Variants in CACNA1G observed in about 807,000 individuals in gnomAD.
The protein encoded by CACNA1G is voltage-dependent T-type calcium channel subunit alpha-1G.
A neutral mutation model predicts 219.4 loss-of-function variants in CACNA1G; 67 were observed. The ratio of observed to expected loss-of-function variants is 0.31; its 90% CI spans 0.25 to 0.37. The LOEUF (loss-of-function observed/expected upper bound fraction) is 0.37, where lower values mean the gene tolerates loss of function less well. CACNA1G is among the 10% of genes least tolerant of loss of function. The probability of loss-of-function intolerance (pLI) is 1.00; values close to 1 mark genes in which losing one functional copy is unlikely to be tolerated. For missense variants in CACNA1G, 2,380 were observed against 3,231.4 expected, an observed-to-expected ratio of 0.74 and a Z score of 6.39; for synonymous variants, 1,296 against 1,345.3, an observed-to-expected ratio of 0.96 and a Z score of 0.80.
chr17:50,623,925 G>A lies in CACNA1G; in HGVS notation c.6079G>A (p.Glu2027Lys). The A allele has an allele frequency of 6.2e-7, 1 of 1,611,124 alleles. No homozygotes were observed. Among genetic ancestry groups the A allele is most frequent in the Non-Finnish European group, 8.5e-7 (1 of 1,178,150 alleles). ...TTTGCAGATGCAGCCCCACCCCACG[G>A]AGCTGCCAGGACCAGACTTACTGAC... ...LESNMQPHPTELPGPDLLTVR... is the reference protein window; with the variant it reads ...LESNMQPHPTKLPGPDLLTVR... Residue 2027 changes from glutamate (E) to lysine (K), a missense_variant, in exon 36 of 38, where the codon GAG becomes AAG. By Grantham distance (56) the Glu-to-Lys change is moderately conservative (BLOSUM62 1). Transcript: ENST00000359106.
chr17:50,563,115 C>T (rs1386534686), intron 1 of CACNA1G: 5 of 152,442 alleles, frequency 3.3e-5, no homozygotes, highest in South Asian at 2.1e-4. Flanking sequence ...AGGTTGGTGC[C>T]GCCCTCACTC....
At chr17:50,605,706 C>T (rs1293160903) in intron 22 of CACNA1G, among the ~76,000 whole-genome samples, 192 bp from the exon 23 acceptor site, 1 of 152,218 alleles carries the variant, frequency 6.6e-6, no homozygotes, top group African/African-American at 2.4e-5. Context: ...CTTTCCTCCC[C>T]ACTCTTGGAA....
intron 10 of CACNA1G, 62 bp downstream of exon 10, chr17:50,590,684 C>A: frequency 6.5e-7 from 1 of 1,530,526 alleles, no homozygotes; most frequent in Non-Finnish European, 8.9e-7. Context: ...GGCTTGGGGC[C>A]AGGGGCCATG....
At chr17:50,595,487 G>T (rs2045351240) in intron 14 of CACNA1G, among the ~76,000 whole-genome samples, 2 of 152,012 alleles carry the variant, frequency 1.3e-5, no homozygotes, top group African/African-American at 2.4e-5. Flanking sequence ...TTCACCCCTT[G>T]CCCCAGGCCC....
In CACNA1G at chr17:50,626,419, C is replaced by A. The variant is rs2053816136; in HGVS notation, c.6802C>A (p.His2268Asn). Residue 2268 changes from histidine to asparagine, a missense_variant, in exon 38 of 38, where the codon CAC becomes AAC. Around this residue, in one of 17 missense-constraint regions of CACNA1G, gnomAD observed 672 missense variants for 670.5 expected, o/e 1.00. Transcript: ENST00000359106. This position sits in a 1 kb window ranked among gnomAD's most constrained non-coding sequence, Gnocchi z 4.3. Reference sequence around the variant, plus strand: ...GTCCTGGCTGGATGAGCAGAGGAGACACTCTATCGCCGTCAGCTGCCTGGA... The same window carrying A: ...GTCCTGGCTGGATGAGCAGAGGAGAAACTCTATCGCCGTCAGCTGCCTGGA... Reference protein sequence around the residue: ...PTSWLDEQRRHSIAVSCLDSG... With the variant: ...PTSWLDEQRRNSIAVSCLDSG... 2 of 1,609,796 alleles carry A rather than the reference C, an allele frequency of 1.2e-6. No homozygotes were observed. Among genetic ancestry groups the A allele is most frequent in the African/African-American group, 1.3e-5 (1 of 74,840 alleles).
At position 50,591,417 on chromosome 17, in the gene CACNA1G, T is replaced by C; in HGVS notation, c.2454-18T>C. 6.6e-7 allele frequency: 1 copy of C among 1,526,578 alleles called. No individual in the cohort carries two copies. The highest frequency in any genetic ancestry group is 8.8e-7 in the Non-Finnish European group (1 of 1,137,866). 94.6% of individuals were successfully genotyped at this position (1,526,578 alleles called of 1,614,324 possible). On this transcript the variant is annotated intron_variant, in intron 10 of 37. Transcript: ENST00000359106. The stretch of plus-strand genomic sequence containing the variant: ...GGGTGAAGGTGCAGGGGGCTCAGGC[T>C]GCCTGCCCCCTTTGCAGCGTGTGGG...
Position 50,567,529 on chromosome 17 carries a change from G to A in CACNA1G, c.243-1341G>A, listed in dbSNP as rs116876149. On this transcript the variant is annotated intron_variant, in intron 1 of 37. Transcript: ENST00000359106. ...ATTCCTGCTGGCCTCTTCATGCCTG[G>A]CCAAAGCCTTCTCATTCCAGAAGCA... 2.9e-3 allele frequency among the ~76,000 whole-genome samples: 435 copies of A among 152,190 alleles called. 1 individual carries two copies. Among genetic ancestry groups the A allele is most frequent in the Non-Finnish European group, 4.8e-3 (327 of 67,996 alleles).
intron 7 of CACNA1G, 43 bp from the exon 8 acceptor site, chr17:50,575,500 C>G: frequency 6.5e-7 from 1 of 1,549,816 alleles, no homozygotes; most frequent in Non-Finnish European, 8.7e-7. Context: ...TTGTGATTCA[C>G]TTTTCTTCAG....
chr17:50,609,271 G>A (rs117654971), intron 25 of CACNA1G, among the ~76,000 whole-genome samples: 15 of 152,248 alleles, frequency 9.9e-5, no homozygotes, highest in Non-Finnish European at 2.2e-4. Context: ...TGTGAAGAGC[G>A]GGAGCTGCTC....
intron 25 of CACNA1G, among the ~76,000 whole-genome samples, chr17:50,608,525 G>GATAT (rs3063068): frequency 0.01 from 1,425 of 141,740 alleles, 13 homozygotes; most frequent in African/African-American, 0.031. Flanking sequence ...TTTCTACCAT[G>GATAT]ATATATATAT....
chr17:50,567,397 G>T (rs984155757), intron 1 of CACNA1G, among the ~76,000 whole-genome samples: 1 of 152,150 alleles, frequency 6.6e-6, no homozygotes, highest in African/African-American at 2.4e-5. Flanking sequence ...GCTGTCAGGG[G>T]TTTGAGGGAT....
At position 50,603,299 on chromosome 17, in the gene CACNA1G, A is replaced by C; in HGVS notation, c.4169+100A>C. ...TCCCTGCCACGAAACAAAAGCCTGC[A>C]CAGGCCAGCATCCTGTCTGTGACCC... On this transcript the variant is annotated intron_variant, in intron 21 of 37. Transcript: ENST00000359106. This position sits in a 1 kb window ranked among gnomAD's most constrained non-coding sequence, Gnocchi z 6.4. 1.0e-6 allele frequency: 1 copy of C among 987,238 alleles called. No individual in the cohort carries two copies. 61.2% of individuals were successfully genotyped at this position (987,238 alleles called of 1,614,324 possible).
chr17:50,578,114 T>C lies in CACNA1G; in HGVS notation c.1925-74T>C. On this transcript the variant is annotated intron_variant, in intron 8 of 37. Coordinates refer to ENST00000359106, the MANE Select transcript of CACNA1G (RefSeq NM_018896.5). This position sits in a 1 kb window ranked among gnomAD's most constrained non-coding sequence, Gnocchi z 4.5. ...CAACCCCAGACTCCCTGACTCATTT[T>C]ACACATACTCACAGGGCAGGGTAGC... 1 of 1,476,964 alleles carries C rather than the reference T, an allele frequency of 6.8e-7. No homozygotes were observed. Among genetic ancestry groups the C allele is most frequent in the Non-Finnish European group, 9.0e-7 (1 of 1,116,294 alleles). The allele number at this position is 1,476,964 out of a possible 1,614,324, so 91.5% of individuals were successfully genotyped here.
chr17:50,622,103 G>A lies in CACNA1G; in HGVS notation c.6060+309G>A, dbSNP rs34856222. On this transcript the variant is annotated intron_variant, in intron 35 of 37. Transcript: ENST00000359106. Reference sequence around the variant, plus strand: ...CCCAGGAGTGACACGGCCCAAAACAGGTGTCATCAGAGTCAATCTATGAAT... The same window carrying A: ...CCCAGGAGTGACACGGCCCAAAACAAGTGTCATCAGAGTCAATCTATGAAT... Among the ~76,000 whole-genome samples the A allele has an allele frequency of 0.32, 48,705 of 151,168 alleles. 9,071 individuals are homozygous for A. Among genetic ancestry groups the A allele is most frequent in the East Asian group, 0.81 (4,103 of 5,050 alleles).
Position 50,571,245 on chromosome 17 carries a change from A to G in CACNA1G, c.587-633A>G, listed in dbSNP as rs1027968795. 1.3e-5 allele frequency among the ~76,000 whole-genome samples: 2 copies of G among 152,196 alleles called. No individual in the cohort carries two copies. Among genetic ancestry groups the G allele is most frequent in the Non-Finnish European group, 2.9e-5 (2 of 68,038 alleles). On this transcript the variant is annotated intron_variant, in intron 4 of 37. Coordinates refer to ENST00000359106, the MANE Select transcript of CACNA1G (RefSeq NM_018896.5). The surrounding 1 kb of genome is among the most constrained non-coding windows in gnomAD (Gnocchi z 4.3). ...TCAGGGAAGCAGGGCTCAGAGCCATAGTGAAGCACAGGGCATCTTGGCCCC... is the reference window on the plus strand; with the variant it reads ...TCAGGGAAGCAGGGCTCAGAGCCATGGTGAAGCACAGGGCATCTTGGCCCC...
intron 7 of CACNA1G, chr17:50,573,690 A>C (rs2039971619): frequency 6.6e-6 from 1 of 152,420 alleles, no homozygotes; most frequent in African/African-American, 2.4e-5. Flanking sequence ...ATCAGTGATC[A>C]ATTGGTGTTA....
chr17:50,578,324 C>T lies in CACNA1G; in HGVS notation c.2061C>T (p.Asp687=). Reference sequence around the variant, plus strand: ...AGCTCGCCGACCGTGAAATGCCTGACTCAGACAGCGAGGCAGTTTATGAGT... The same window carrying T: ...AGCTCGCCGACCGTGAAATGCCTGATTCAGACAGCGAGGCAGTTTATGAGT... ...EVELADREMP[D]SDSEAVYEFT... Residue 687 remains aspartate (D), a synonymous_variant, in exon 9 of 38, where the codon GAC becomes GAT. Transcript: ENST00000359106. The surrounding 1 kb of genome is among the most constrained non-coding windows in gnomAD (Gnocchi z 4.5). 6.2e-7 allele frequency: 1 copy of T among 1,613,300 alleles called. No individual in the cohort carries two copies.
intron 16 of CACNA1G, among the ~76,000 whole-genome samples, chr17:50,599,159 C>G (rs1018663412): frequency 6.6e-6 from 1 of 152,222 alleles, no homozygotes; most frequent in Non-Finnish European, 1.5e-5. Context: ...TAACACTTCT[C>G]TCACCAAATA....
chr17:50,588,237 G>A (rs1366500765), intron 9 of CACNA1G, among the ~76,000 whole-genome samples: 1 of 150,050 alleles, frequency 6.7e-6, no homozygotes, highest in African/African-American at 2.5e-5. Context: ...CCGTGTATCT[G>A]GATTCACAAG....
Sources: allele counts gnomAD v4.1 joint callset (sites outside exome capture counted in the v4.1 genomes callset), GRCh38; gene constraint gnomAD v4.1.1; regional missense constraint gnomAD v4.1.1; non-coding constraint Gnocchi (gnomAD v3.1); transcripts MANE v1.5; gene names NCBI Gene and HGNC (gene_info 2026-07-23, HGNC 2026-07-21).